The following VPS13C variants were observed in gnomAD, a reference collection of about 807,000 sequenced individuals.
VPS13C encodes the protein intermembrane lipid transfer protein VPS13C.
VPS13C carries 358 observed loss-of-function variants against 456.8 expected under a neutral mutation model. The observed-to-expected ratio is 0.78, with a 90% CI of 0.72 to 0.86. VPS13C has a LOEUF of 0.86. Among genes scored for constraint, VPS13C ranks in the 40% least tolerant of loss-of-function variants. The pLI is 0.00. For synonymous variants in VPS13C, 1,578 were observed against 1,486.7 expected, an observed-to-expected ratio of 1.06 and a Z score of -1.41; for missense variants, 4,818 against 4,385.4, an observed-to-expected ratio of 1.10 and a Z score of -2.79.
At chr15:61,946,214 CAG>C in intron 44 of VPS13C, 91 bp downstream of exon 44, 1 of 995,648 alleles carries the variant, frequency 1.0e-6, no homozygotes, top group South Asian at 1.8e-5. Context: ...TGGTACATGA[CAG>C]ATAATAAATG....
chr15:62,058,310 C>T (rs1471057586), intron 1 of VPS13C, among the ~76,000 whole-genome samples: 3 of 152,176 alleles, frequency 2.0e-5, no homozygotes, highest in African/African-American at 4.8e-5. Context: ...GCAGAAGATG[C>T]TGGTCATTTA....
At chr15:62,037,674 C>G (rs1372952072) in intron 3 of VPS13C, among the ~76,000 whole-genome samples, 1 of 145,810 alleles carries the variant, frequency 6.9e-6, no homozygotes, top group Non-Finnish European at 1.5e-5. Context: ...CTTGCATAGT[C>G]TTGTACGTAA....
chr15:61,894,351 C>CA (rs1176203528), intron 66 of VPS13C, among the ~76,000 whole-genome samples: 1 of 149,406 alleles, frequency 6.7e-6, no homozygotes, highest in Non-Finnish European at 1.5e-5. Flanking sequence ...AATCCTGTAA[C>CA]AAAATGGCAG....
intron 74 of VPS13C, among the ~76,000 whole-genome samples, 185 bp from the exon 75 acceptor site, chr15:61,877,239 C>A (rs1234759281): frequency 6.6e-6 from 1 of 151,862 alleles, no homozygotes; most frequent in East Asian, 1.9e-4. Context: ...AAACAGTGCA[C>A]AAGTTTTTCA....
At chr15:62,011,045 A>G (rs1026116507) in intron 12 of VPS13C, among the ~76,000 whole-genome samples, 9 of 152,168 alleles carry the variant, frequency 5.9e-5, no homozygotes, top group African/African-American at 1.9e-4. Context: ...ATTCATTCCA[A>G]AAAAAGAAAC....
intron 66 of VPS13C, among the ~76,000 whole-genome samples, chr15:61,900,225 C>G (rs1158254523): frequency 6.6e-6 from 1 of 152,174 alleles, no homozygotes; most frequent in African/African-American, 2.4e-5. Flanking sequence ...CCCTCTCTCA[C>G]CACTCCTATT....
rs2044746952 is a variant in VPS13C, at chr15:61,950,402, G to A, written c.4552C>T (p.Pro1518Ser). 5 of 1,611,254 alleles carry A rather than the reference G, an allele frequency of 3.1e-6. No individual in the cohort carries two copies. In the African/African-American group the frequency reaches 6.7e-5, roughly 22 times the overall value. Residue 1518 changes from proline (P) to serine (S), a missense_variant, in exon 41 of 85, where the codon CCA becomes TCA. Pro to Ser is a moderately conservative substitution (Grantham distance 74, BLOSUM62 -1). Transcript: ENST00000644861. ...MLLTKADSDG[P>S]EFKTIHDSTK... ...CTGTCATGAATAGTTTTAAATTCTG[G>A]TCCATCACTGTCTGCCTACAAATAG...
Position 61,958,659 on chromosome 15 carries a change from A to G in VPS13C, c.4114T>C (p.Cys1372Arg), listed in dbSNP as rs200429622. 6 of 1,575,192 alleles carry G rather than the reference A, an allele frequency of 3.8e-6. No homozygotes were observed. The highest frequency in any genetic ancestry group is 5.1e-6 in the Non-Finnish European group (6 of 1,165,848). ...LLFRILTENL[C>R]EGTEDLDKVK... ...TTATCCAAGTCTTCAGTACCCTCAC[A>G]GAGATTTTCTGTTAGTATCCTAAAT... The change falls in exon 37 of 85, where the codon TGT becomes CGT. Residue 1372 changes from cysteine (C) to arginine (R), a missense_variant. Coordinates refer to ENST00000644861, the MANE Select transcript of VPS13C (RefSeq NM_020821.3).
chr15:61,950,251 C>T (rs939319577), intron 41 of VPS13C, 107 bp downstream of exon 41: 4 of 769,496 alleles, frequency 5.2e-6, no homozygotes, highest in South Asian at 1.6e-5. Context: ...ATTATTATTG[C>T]CACTGTTATT....
chr15:61,941,936 C>T lies in VPS13C; in HGVS notation c.5280G>A (p.Leu1760=). The T allele has an allele frequency of 6.2e-7, 1 of 1,613,902 alleles. No individual in the cohort carries two copies. The highest frequency in any genetic ancestry group is 1.1e-5 in the South Asian group (1 of 91,066). The change falls in exon 46 of 85, where the codon TTG becomes TTA. Residue 1760 remains leucine, a synonymous_variant. Transcript: ENST00000644861. ...GAGGAATAATAATAACTGGTGCTTTCAAATTAATATCCATCAAAAGGCGGA... is the reference window on the plus strand; with the variant it reads ...GAGGAATAATAATAACTGGTGCTTTTAAATTAATATCCATCAAAAGGCGGA... ...KSFRLLMDIN[L]KAPVIIIPQS...
At chr15:61,885,612 T>C (rs188326727) in intron 67 of VPS13C, among the ~76,000 whole-genome samples, 1 of 152,178 alleles carries the variant, frequency 6.6e-6, no homozygotes, top group African/African-American at 2.4e-5. Context: ...TTGACACTAA[T>C]GGTTTGGTAA....
chr15:61,929,620 A>T lies in VPS13C; in HGVS notation c.6167T>A (p.Phe2056Tyr), dbSNP rs755655357. The change falls in exon 51 of 85, where the codon TTT (phenylalanine) becomes TAT (tyrosine). Residue 2056 changes from phenylalanine to tyrosine, a missense_variant. Phe to Tyr is a conservative substitution (Grantham distance 22). Coordinates refer to ENST00000644861, the MANE Select transcript of VPS13C (RefSeq NM_020821.3). ...DKLYVCASVE[F>Y]LMTVADFFIK... The stretch of plus-strand genomic sequence containing the variant: ...AAAGAAATCTGCCACAGTCATCAGA[A>T]ATTCCACACTGGCACATACATACAG... 6.8e-6 allele frequency: 11 copies of T among 1,614,164 alleles called. No homozygotes were observed. In the South Asian group the frequency reaches 1.2e-4, roughly 18 times the overall value.
chr15:62,037,088 T>C, intron 3 of VPS13C, among the ~76,000 whole-genome samples: 1 of 146,004 alleles, frequency 6.8e-6, no homozygotes, highest in Non-Finnish European at 1.5e-5. Flanking sequence ...AAGGAAGCCA[T>C]TAAATCTTTG....
Position 61,945,853 on chromosome 15 carries a change from A to G in VPS13C, c.5010T>C (p.Phe1670=), listed in dbSNP as rs368391524. The G allele has an allele frequency of 4.2e-5, 67 of 1,610,776 alleles. No homozygotes were observed. Among genetic ancestry groups the G allele is most frequent in the Non-Finnish European group, 4.8e-5 (57 of 1,179,152 alleles). The change falls in exon 45 of 85, where the codon TTT becomes TTC. Residue 1670 remains phenylalanine, a synonymous_variant. Transcript: ENST00000644861. ...KAVSILGDEV[F]RFQLTLYPDA... ...CTGGATAAAGAGTCAGTTGGAACCTAAAGACTTCATCTCCCAAAATAGAGA... is the reference window on the plus strand; with the variant it reads ...CTGGATAAAGAGTCAGTTGGAACCTGAAGACTTCATCTCCCAAAATAGAGA...
Position 61,927,108 on chromosome 15 carries a change from C to A in VPS13C, c.6499G>T (p.Gly2167Trp), listed in dbSNP as rs2043875743. ...ATTCTTACTGTGGTAATGTTTTTCC[C>A]TCTCTTTTCTCTGAGAAAAGGGCAA... Reference protein sequence around the residue: ...LACPFLREKRGKNITTVLQPC... With the variant: ...LACPFLREKRWKNITTVLQPC... Residue 2167 changes from glycine to tryptophan, a missense_variant, in exon 52 of 85, where the codon GGG becomes TGG. By Grantham distance (184) the Gly-to-Trp change is radical (BLOSUM62 -2). This residue lies in a region of VPS13C where 4,552 missense variants were observed against 4,130.6 expected (regional missense o/e 1.10). Coordinates refer to ENST00000644861, the MANE Select transcript of VPS13C (RefSeq NM_020821.3). The A allele has an allele frequency of 6.2e-7, 1 of 1,613,896 alleles. No homozygotes were observed.
chr15:61,886,065 C>T (rs770569077), intron 67 of VPS13C, among the ~76,000 whole-genome samples: 25 of 152,122 alleles, frequency 1.6e-4, no homozygotes, highest in Non-Finnish European at 2.8e-4. Flanking sequence ...TGGCCTTAAA[C>T]GAGTTCATTT....
At chr15:61,934,460 T>A in intron 48 of VPS13C, 129 bp from the exon 49 acceptor site, 1 of 470,982 alleles carries the variant, frequency 2.1e-6, no homozygotes, top group Non-Finnish European at 3.6e-6. Flanking sequence ...TTGAGACAAT[T>A]AATAAAAATG....
chr15:61,991,550 T>C (rs915991809), intron 17 of VPS13C, 123 bp downstream of exon 17: 3 of 1,087,588 alleles, frequency 2.8e-6, no homozygotes, highest in Non-Finnish European at 3.7e-6. Flanking sequence ...GCTTATATAT[T>C]TACTATACTG....
intron 62 of VPS13C, among the ~76,000 whole-genome samples, chr15:61,912,437 G>A (rs1045936751): frequency 6.6e-6 from 1 of 152,056 alleles, no homozygotes; most frequent in Admixed American, 6.6e-5. Context: ...GAAATGTCTG[G>A]CAAGGGGTGG....
Sources: allele counts gnomAD v4.1 joint callset (sites outside exome capture counted in the v4.1 genomes callset), GRCh38; gene constraint gnomAD v4.1.1; regional missense constraint gnomAD v4.1.1; transcripts MANE v1.5; gene names NCBI Gene and HGNC (gene_info 2026-07-23, HGNC 2026-07-21).